The following REV3L variants were observed in gnomAD, a reference collection of about 807,000 sequenced individuals.
The protein encoded by REV3L is REV3 like, DNA directed polymerase zeta catalytic subunit.
Under a neutral mutation model 299.4 loss-of-function variants are expected in REV3L, and 69 were observed. The observed-to-expected ratio is 0.23, with a 90% confidence interval of 0.19 to 0.28. The LOEUF (loss-of-function observed/expected upper bound fraction) is 0.28. Ranked by LOEUF, REV3L falls within the 10% of genes least tolerant of loss-of-function variation. The pLI, the probability that REV3L is intolerant of heterozygous loss-of-function variation, is 1.00. For synonymous variants in REV3L, 1,238 were observed against 1,271.4 expected (o/e 0.97, Z 0.56); for missense variants, 3,128 against 3,693.8 (o/e 0.85, Z 3.97).
chr6:111,325,549 C>G (rs1582520861), intron 25 of REV3L, among the ~76,000 whole-genome samples: 1 of 152,186 alleles, frequency 6.6e-6, no homozygotes, highest in East Asian at 1.9e-4. Context: ...CTATGATAGT[C>G]CAGATCTAGT....
chr6:111,424,966 T>C (rs532195293), intron 1 of REV3L, among the ~76,000 whole-genome samples: 43 of 152,224 alleles, frequency 2.8e-4, no homozygotes, highest in Non-Finnish European at 5.6e-4. Flanking sequence ...GTTAAGGGAA[T>C]TTAGAAGGCC....
At chr6:111,475,222 T>G (rs1483510502) in intron 1 of REV3L, among the ~76,000 whole-genome samples, 5 of 152,176 alleles carry the variant, frequency 3.3e-5, no homozygotes, top group Non-Finnish European at 7.4e-5. Flanking sequence ...TGACTAGTAT[T>G]CTGTTGAATA....
intron 1 of REV3L, chr6:111,430,797 C>G: frequency 6.2e-7 from 1 of 1,608,204 alleles, no homozygotes; most frequent in Non-Finnish European, 8.5e-7. Flanking sequence ...GTGAAGGAAT[C>G]TGGAGGAAAG....
rs1351531477 is a variant in REV3L at position 111,315,173 on chromosome 6, C to T, written c.8466+94G>A. 5 of 1,031,310 alleles carry T rather than the reference C, an allele frequency of 4.8e-6. No individual in the cohort carries two copies. The Admixed American group carries it at 8.4e-5, about 17-fold the overall frequency. The allele number at this position is 1,031,310 out of a possible 1,614,324, so 63.9% of individuals were successfully genotyped here. A position where few individuals can be genotyped will look rare whatever the true frequency, so the allele number is the denominator to read the frequency against. ...TTTAACACTTTAATAGACCCGTATA[C>T]TGTTAGTGATTCTGAAAATGTACTG... On this transcript the variant is annotated intron_variant, in intron 27 of 31. Coordinates refer to ENST00000368802, the MANE Select transcript of REV3L (RefSeq NM_001372078.1).
intron 31 of REV3L, among the ~76,000 whole-genome samples, chr6:111,300,358 GAT>G (rs1771349920): frequency 6.6e-6 from 1 of 152,106 alleles, no homozygotes; most frequent in Non-Finnish European, 1.5e-5. Context: ...ATTTTGTAAA[GAT>G]AGAGTACAAA....
intron 21 of REV3L, among the ~76,000 whole-genome samples, chr6:111,342,693 T>G (rs1582602780): frequency 6.8e-6 from 1 of 147,548 alleles, no homozygotes; most frequent in African/African-American, 2.5e-5. Flanking sequence ...AACAGGAAGA[T>G]CCAAAGACTG....
Position 111,367,959 on chromosome 6 carries a change from G to C in REV3L, c.5829C>G (p.Asp1943Glu). 6.2e-7 allele frequency: 1 copy of C among 1,613,902 alleles called. No homozygotes were observed. The highest frequency in any genetic ancestry group is 8.5e-7 in the Non-Finnish European group (1 of 1,179,956). Residue 1943 changes from aspartate (D) to glutamate (E), a missense_variant, in exon 14 of 32, where the codon GAC becomes GAG. By Grantham distance (45) the Asp-to-Glu change is conservative. Transcript: ENST00000368802. ...AAAGACGAAGTCCTTCCAAGGAAAA[G>C]TCTCCCTCAAACTCAGCCAGATCAT... ...LANDLAEFEGDFSLEGLRLWK... is the reference protein window; with the variant it reads ...LANDLAEFEGEFSLEGLRLWK...
Position 111,374,509 on chromosome 6 carries a change from T to G in REV3L, c.3846A>C (p.Leu1282=), listed in dbSNP as rs776292636. The change falls in exon 13 of 32, where the codon CTA becomes CTC. Residue 1282 remains leucine (L), a synonymous_variant. Transcript: ENST00000368802. The part of the protein sequence containing the change: ...SAVDHPLSAS[L]PTGINAQQKL... ...TCTGTTGTGCATTAATTCCAGTGGG[T>G]AGGGAAGCAGAAAGGGGATGATCTA... The G allele has an allele frequency of 6.2e-7, 1 of 1,613,954 alleles. No homozygotes were observed. The highest frequency in any genetic ancestry group is 1.1e-5 in the South Asian group (1 of 91,074).
At chr6:111,365,220 A>C (rs1779075753) in intron 15 of REV3L, 45 bp downstream of exon 15, 4 of 1,177,284 alleles carry the variant, frequency 3.4e-6, no homozygotes, top group Non-Finnish European at 4.7e-6. Flanking sequence ...TCTAGGAAAA[A>C]GACTGGCTCT....
chr6:111,385,055 A>G (rs549358635), intron 9 of REV3L, among the ~76,000 whole-genome samples: 79 of 152,012 alleles, frequency 5.2e-4, no homozygotes, highest in African/African-American at 1.8e-3. Context: ...AATAATTTAA[A>G]CAATGGAACT....
rs763395936 is a variant in REV3L, at chr6:111,373,927, T to C, written c.4428A>G (p.Gln1476=). The change falls in exon 13 of 32, where the codon CAA becomes CAG. Residue 1476 remains glutamine (Q), a synonymous_variant. Coordinates refer to ENST00000368802, the MANE Select transcript of REV3L (RefSeq NM_001372078.1). ...PIKQIAWEQK[Q]RGFILDMSNF... Reference sequence around the variant, plus strand: ...TTGACATATCTAAAATAAAGCCCCTTTGCTTTTGCTCCCATGCTATTTGTT... The same window carrying C: ...TTGACATATCTAAAATAAAGCCCCTCTGCTTTTGCTCCCATGCTATTTGTT... 3.7e-6 allele frequency: 6 copies of C among 1,614,116 alleles called. No individual in the cohort carries two copies. The highest frequency in any genetic ancestry group is 5.1e-6 in the Non-Finnish European group (6 of 1,179,974).
upstream of REV3L, chr6:111,483,562 A>G (rs747571979): frequency 1.5e-5 from 7 of 482,698 alleles, no homozygotes; most frequent in South Asian, 6.3e-5. Flanking sequence ...TTTGGCGGCT[A>G]TGCAGGATTG....
At chr6:111,464,805 C>T (rs894415499) in intron 1 of REV3L, among the ~76,000 whole-genome samples, 2 of 152,064 alleles carry the variant, frequency 1.3e-5, no homozygotes, top group Non-Finnish European at 2.9e-5. Flanking sequence ...AGTTCAAGAC[C>T]AGCCTGGGCA....
chr6:111,388,921 C>T (rs562401739), intron 7 of REV3L, among the ~76,000 whole-genome samples, 185 bp downstream of exon 7: 19 of 152,166 alleles, frequency 1.2e-4, no homozygotes, highest in Non-Finnish European at 2.2e-4. Flanking sequence ...AGATAATAAG[C>T]GACAATTGGA....
intron 1 of REV3L, among the ~76,000 whole-genome samples, chr6:111,474,268 C>T (rs1295212771): frequency 1.3e-5 from 2 of 152,154 alleles, no homozygotes; most frequent in Non-Finnish European, 2.9e-5. Flanking sequence ...ATCAAACGCA[C>T]GTGGTGAGCA....
chr6:111,373,935 G>C lies in REV3L; in HGVS notation c.4420C>G (p.Gln1474Glu), dbSNP rs766860574. ...TCTAAAATAAAGCCCCTTTGCTTTT[G>C]CTCCCATGCTATTTGTTTGATTGGA... The part of the protein sequence containing the change: ...RSPIKQIAWE[Q>E]KQRGFILDMS... Residue 1474 changes from glutamine to glutamate, a missense_variant, in exon 13 of 32, where the codon CAA becomes GAA. Coordinates refer to ENST00000368802, the MANE Select transcript of REV3L (RefSeq NM_001372078.1). The C allele has an allele frequency of 1.2e-5, 19 of 1,614,026 alleles. No individual in the cohort carries two copies. In the Admixed American group the frequency reaches 3.2e-4, roughly 27 times the overall value.
At chr6:111,349,366 G>T (rs777580973) in intron 19 of REV3L, 30 bp from the exon 20 acceptor site, 3 of 1,109,966 alleles carry the variant, frequency 2.7e-6, no homozygotes, top group South Asian at 1.5e-5. Context: ...CTGTATCAGG[G>T]CTCACAGAAA....
intron 7 of REV3L, 104 bp downstream of exon 7, chr6:111,389,002 C>T (rs1582805993): frequency 1.2e-6 from 1 of 802,638 alleles, no homozygotes; most frequent in East Asian, 2.6e-5. Context: ...ATATAAAGGT[C>T]ATTTGAAAAG....
At chr6:111,349,527 A>G (rs1008197551) in intron 19 of REV3L, among the ~76,000 whole-genome samples, 191 bp from the exon 20 acceptor site, 2 of 152,214 alleles carry the variant, frequency 1.3e-5, no homozygotes, top group African/African-American at 2.4e-5. Context: ...CTATATTTAA[A>G]TAAGAAACAC....
Sources: gnomAD v4.1 joint callset for allele counts (sites outside exome capture counted in the v4.1 genomes callset) on GRCh38, gnomAD v4.1.1 for gene constraint, MANE v1.5 for transcripts, NCBI Gene and HGNC (gene_info 2026-07-23, HGNC 2026-07-21) for gene names.